DAAM1: variants seen among roughly 807,000 people sequenced by gnomAD.
DAAM1 encodes the protein disheveled-associated activator of morphogenesis 1.
Under a neutral mutation model 130.0 loss-of-function variants are expected in DAAM1, and 52 were observed. The ratio of observed to expected loss-of-function variants is 0.40; its 90% CI spans 0.32 to 0.50. The LOEUF is 0.50. Ranked by LOEUF, DAAM1 falls within the 20% of genes least tolerant of loss-of-function variation. The pLI is 0.61. For missense variants in DAAM1, 1,134 were observed against 1,303.8 expected (o/e 0.87, Z 2.01); for synonymous variants, 452 against 444.5 (o/e 1.02, Z -0.21).
chr14:59,229,195 C>T (rs1040388919), intron 1 of DAAM1, among the ~76,000 whole-genome samples: 8 of 152,156 alleles, frequency 5.3e-5, no homozygotes, highest in South Asian at 2.1e-4. Context: ...TTACCAAAGA[C>T]ACTCCCACTT....
chr14:59,349,461 A>T (rs1239726511), intron 17 of DAAM1, among the ~76,000 whole-genome samples: 1 of 152,246 alleles, frequency 6.6e-6, no homozygotes, highest in East Asian at 1.9e-4. Context: ...TGTCCTGATA[A>T]TTCTGTGTGT....
chr14:59,317,075 C>G (rs935228567), intron 4 of DAAM1, among the ~76,000 whole-genome samples: 5 of 152,146 alleles, frequency 3.3e-5, no homozygotes, highest in African/African-American at 1.2e-4. Flanking sequence ...CAATTCTTTG[C>G]CACATTCTTG....
At chr14:59,293,416 A>G (rs562391619) in intron 3 of DAAM1, among the ~76,000 whole-genome samples, 1 of 152,230 alleles carries the variant, frequency 6.6e-6, no homozygotes, top group South Asian at 2.1e-4. Flanking sequence ...ACCTCATCTC[A>G]AGTGTGCATG....
In DAAM1 at chr14:59,322,920, G is replaced by A. The variant is rs1377330517; in HGVS notation, c.469G>A (p.Gly157Ser). Residue 157 changes from glycine (G) to serine (S), a missense_variant, in exon 6 of 25, where the codon GGC becomes AGC. Gly to Ser is a moderately conservative substitution (Grantham distance 56). Around this residue, in one of 3 missense-constraint regions of DAAM1, gnomAD observed 391 missense variants for 521.6 expected, o/e 0.75. Transcript: ENST00000360909. ...TGTAACCAGATTCATCGACTTGGAT[G>A]GCCTATCATGTATCCTCAACTTTCT... ...RFVTRFIDLDGLSCILNFLKT... is the reference protein window; with the variant it reads ...RFVTRFIDLDSLSCILNFLKT... The A allele has an allele frequency of 6.2e-7, 1 of 1,612,010 alleles. No homozygotes were observed. The highest frequency in any genetic ancestry group is 1.1e-5 in the South Asian group (1 of 90,890).
At chr14:59,270,737 C>G (rs1882674547) in intron 2 of DAAM1, among the ~76,000 whole-genome samples, 1 of 152,132 alleles carries the variant, frequency 6.6e-6, no homozygotes, top group Non-Finnish European at 1.5e-5. Flanking sequence ...TCTGCATACC[C>G]CAAGAATAAG....
chr14:59,355,434 C>G, intron 20 of DAAM1, 101 bp downstream of exon 20: 1 of 1,391,824 alleles, frequency 7.2e-7, no homozygotes, highest in Non-Finnish European at 9.8e-7. Context: ...ACACTGCATT[C>G]TTCAGTTGGA....
chr14:59,315,598 G>A (rs571177575), intron 4 of DAAM1, among the ~76,000 whole-genome samples: 1 of 152,334 alleles, frequency 6.6e-6, no homozygotes. Context: ...AATGTTGTAA[G>A]TGAAAATGTA....
At chr14:59,231,174 C>A (rs1331618022) in intron 1 of DAAM1, among the ~76,000 whole-genome samples, 1 of 152,150 alleles carries the variant, frequency 6.6e-6, no homozygotes, top group African/African-American at 2.4e-5. Context: ...ATTATTTTCC[C>A]ACTTAATATT....
At chr14:59,254,794 A>G (rs1259731805) in intron 1 of DAAM1, among the ~76,000 whole-genome samples, 2 of 152,242 alleles carry the variant, frequency 1.3e-5, no homozygotes, top group East Asian at 3.9e-4. Context: ...ATTACGTGAC[A>G]CAGAACAGTT....
At chr14:59,346,690 T>C (rs1228384115) in intron 16 of DAAM1, among the ~76,000 whole-genome samples, 1 of 152,172 alleles carries the variant, frequency 6.6e-6, no homozygotes, top group Non-Finnish European at 1.5e-5. Flanking sequence ...TGATCAAGAT[T>C]TTTTTCCCCT....
intron 1 of DAAM1, among the ~76,000 whole-genome samples, chr14:59,201,531 G>A (rs377498601): frequency 1.4e-4 from 22 of 152,036 alleles, no homozygotes; most frequent in African/African-American, 5.1e-4. Context: ...AGGAGAATTC[G>A]CTTGAACCTG....
At position 59,222,746 on chromosome 14, in the gene DAAM1, T is replaced by C. The variant is rs573618748; in HGVS notation, c.-38+33978T>C. 1.3e-4 allele frequency among the ~76,000 whole-genome samples: 20 copies of C among 152,350 alleles called. No individual in the cohort carries two copies. In the South Asian group the frequency reaches 1.4e-3, roughly 11 times the overall value. ...ACATAGGAAACTAATATCTTCATGT[T>C]TTTAGCCCATTCAGAATGGTCTGTC... On this transcript the variant is annotated intron_variant, in intron 1 of 24. Transcript: ENST00000360909.
At chr14:59,368,169 C>T (rs544779155) in intron 24 of DAAM1, among the ~76,000 whole-genome samples, 1 of 151,836 alleles carries the variant, frequency 6.6e-6, no homozygotes, top group South Asian at 2.1e-4. Flanking sequence ...CTGAATTATC[C>T]AAATTGTCTA....
At chr14:59,328,470 C>G (rs529156746) in intron 12 of DAAM1, among the ~76,000 whole-genome samples, 7 of 152,118 alleles carry the variant, frequency 4.6e-5, no homozygotes, top group Admixed American at 3.3e-4. Context: ...TGTAAGCTTT[C>G]GAGTCATTCA....
chr14:59,314,821 T>C (rs1884723333), intron 3 of DAAM1, among the ~76,000 whole-genome samples: 1 of 152,202 alleles, frequency 6.6e-6, no homozygotes, highest in Non-Finnish European at 1.5e-5. Flanking sequence ...ATGAAACCCT[T>C]CTTCAAGTTT....
chr14:59,230,625 G>A (rs1889075885), intron 1 of DAAM1, among the ~76,000 whole-genome samples: 2 of 152,006 alleles, frequency 1.3e-5, no homozygotes, highest in Non-Finnish European at 2.9e-5. Context: ...AGGGAGTGGG[G>A]AAAGTTAATG....
chr14:59,299,260 A>G (rs1884078938), intron 3 of DAAM1, among the ~76,000 whole-genome samples: 1 of 152,254 alleles, frequency 6.6e-6, no homozygotes, highest in Non-Finnish European at 1.5e-5. Context: ...TTGCATAGTT[A>G]AAAGCCATCT....
chr14:59,331,999 G>A (rs1386377232), intron 15 of DAAM1, 79 bp downstream of exon 15: 1 of 1,221,506 alleles, frequency 8.2e-7, no homozygotes, highest in Non-Finnish European at 1.2e-6. Flanking sequence ...ATCAGCCATG[G>A]CCGTGATGTG....
intron 1 of DAAM1, among the ~76,000 whole-genome samples, chr14:59,236,498 T>G (rs1284562873): frequency 1.3e-5 from 2 of 152,142 alleles, no homozygotes; most frequent in Admixed American, 1.3e-4. Flanking sequence ...CACTCTTTTC[T>G]TAGATTTTTG....
Sources: gnomAD v4.1 joint callset for allele counts (sites outside exome capture counted in the v4.1 genomes callset) on GRCh38, gnomAD v4.1.1 for gene constraint, gnomAD v4.1.1 regional missense constraint, MANE v1.5 for transcripts, NCBI Gene and HGNC (gene_info 2026-07-23, HGNC 2026-07-21) for gene names.